The following ZGLP1 variants were observed in gnomAD, a reference collection of about 807,000 sequenced individuals.
ZGLP1 encodes the protein GATA-type zinc finger protein 1.
ZGLP1 carries 11 observed loss-of-function variants against 21.4 expected under a neutral mutation model. That is an observed-to-expected ratio of 0.51 (90% CI 0.32 to 0.85). ZGLP1 has a LOEUF of 0.85. ZGLP1 is among the 40% of genes least tolerant of loss of function. ZGLP1 has a pLI of 0.03. For synonymous variants in ZGLP1, 148 were observed against 145.0 expected, an observed-to-expected ratio of 1.02 and a Z score of -0.15; for missense variants, 295 against 355.6, an observed-to-expected ratio of 0.83 and a Z score of 1.37.
chr19:10,306,021 A>G, intron 1 of ZGLP1, 69 bp from the exon 3 acceptor site: 1 of 1,167,986 alleles, frequency 8.6e-7, no homozygotes, highest in South Asian at 1.4e-5. Flanking sequence ...CTCCGAAATG[A>G]AGATTTAGTA....
At chr19:10,308,687 A>C in exon 1 of ZGLP1, 3 of 1,474,060 alleles carry the variant, frequency 2.0e-6, no homozygotes, top group East Asian at 2.3e-5. Flanking sequence ...GTCATTTCTA[A>C]CTCTGGGTGG....
In ZGLP1 at chr19:10,307,291, G is replaced by T. The variant is rs146009798; in HGVS notation, c.497+894C>A. 3.5e-3 allele frequency among the ~76,000 whole-genome samples: 529 copies of T among 151,374 alleles called. 4 individuals carry two copies. The highest frequency in any genetic ancestry group is 0.012 in the African/African-American group (505 of 41,246). ...GGGCTCATGCAATCCTCCCACCTTG[G>T]CCTCCCAAAGTGCTGGGATTACAGG... On this transcript the variant is annotated intron_variant, in intron 1 of 3. Transcript: ENST00000403903.
intron 1 of ZGLP1, among the ~76,000 whole-genome samples, chr19:10,306,543 AT>A (rs1394409368): frequency 6.6e-6 from 1 of 151,978 alleles, no homozygotes; most frequent in Non-Finnish European, 1.5e-5. Flanking sequence ...CAGTTTCCTC[AT>A]CTGTAAAATG....
Position 10,308,724 on chromosome 19 carries a change from A to G in ZGLP1, c.-43T>C, listed in dbSNP as rs779256561. 9.2e-6 allele frequency: 13 copies of G among 1,406,038 alleles called. 1 individual carries two copies. The East Asian group carries it at 2.2e-4, about 24-fold the overall frequency. 87.1% of individuals were successfully genotyped at this position (1,406,038 alleles called of 1,614,324 possible). On this transcript the variant is annotated 5_prime_UTR_variant, in exon 1 of 4. Transcript: ENST00000403903. ...AGGTTTAAGAGTTGCAGTAATTGCA[A>G]CTCACCTCGCCCACTGTGGGCCTCC...
chr19:10,309,400 G>GA (rs2145045057), exon 1 of ZGLP1: 1 of 152,790 alleles, frequency 6.5e-6, no homozygotes, highest in East Asian at 1.9e-4. Flanking sequence ...CTGGGAGGGG[G>GA]ATCCTCCCAG....
chr19:10,309,382 G>A (rs1486564169), exon 1 of ZGLP1: 1 of 152,690 alleles, frequency 6.5e-6, no homozygotes, highest in African/African-American at 2.4e-5. Context: ...TGGGGTCCTC[G>A]GCTTCTCCTG....
At chr19:10,306,718 G>A (rs2040281864) in intron 1 of ZGLP1, among the ~76,000 whole-genome samples, 1 of 152,130 alleles carries the variant, frequency 6.6e-6, no homozygotes, top group Admixed American at 6.6e-5. Context: ...GGGAGGCTGA[G>A]GAGGGAGGAT....
At position 10,305,025 on chromosome 19, in the gene ZGLP1, C is replaced by T. The variant is rs1156884276; in HGVS notation, c.*66G>A. 1.6e-6 allele frequency: 2 copies of T among 1,264,720 alleles called. No individual in the cohort carries two copies. The highest frequency in any genetic ancestry group is 2.3e-6 in the Non-Finnish European group (2 of 867,456). 78.3% of individuals were successfully genotyped at this position (1,264,720 alleles called of 1,614,324 possible). On this transcript the variant is annotated 3_prime_UTR_variant, in exon 4 of 4. Coordinates refer to ENST00000403903, the Ensembl canonical transcript of ZGLP1. This position sits in a 1 kb window ranked among gnomAD's most constrained non-coding sequence, Gnocchi z 4.7. ...TTCCCCAATCCTCCTAGGAGAGCTG[C>T]TTCTGCCCATTCTCCCACTGGTGAA...
At chr19:10,308,349 G>A (rs2040291352) in exon 1 of ZGLP1, 2 of 1,608,488 alleles carry the variant, frequency 1.2e-6, no homozygotes, top group African/African-American at 1.3e-5. Context: ...GCTGCAGACG[G>A]CGGCCCTTTT....
chr19:10,307,325 A>T (rs1389042555), intron 1 of ZGLP1, among the ~76,000 whole-genome samples: 1 of 144,356 alleles, frequency 6.9e-6, no homozygotes, highest in African/African-American at 2.6e-5. Context: ...GGTGTGAGCC[A>T]CCAGGCCCAG....
At chr19:10,306,150 T>C (rs2040278438) in intron 1 of ZGLP1, among the ~76,000 whole-genome samples, 198 bp from the exon 3 acceptor site, 1 of 151,946 alleles carries the variant, frequency 6.6e-6, no homozygotes, top group East Asian at 1.9e-4. Context: ...TCTCGCTCTG[T>C]TGCCCAGGCT....
intron 1 of ZGLP1, among the ~76,000 whole-genome samples, chr19:10,306,261 C>T (rs937849129): frequency 1.3e-4 from 19 of 151,880 alleles, no homozygotes; most frequent in South Asian, 4.2e-4. Context: ...TACAGGCGCG[C>T]GACACCACGC....
At chr19:10,308,768 C>A (rs1599289083) in exon 1 of ZGLP1, 1 of 1,293,736 alleles carries the variant, frequency 7.7e-7, no homozygotes, top group East Asian at 2.5e-5. Flanking sequence ...CCCAGCCCTC[C>A]ACATCAATCA....
chr19:10,305,532 G>A lies in ZGLP1; in HGVS notation c.605-49C>T, dbSNP rs1220700187. 6.7e-7 allele frequency: 1 copy of A among 1,495,302 alleles called. No individual in the cohort carries two copies. Among genetic ancestry groups the A allele is most frequent in the East Asian group, 2.4e-5 (1 of 42,036 alleles). The allele number at this position is 1,495,302 out of a possible 1,614,324, so 92.6% of individuals were successfully genotyped here. ...CAGGGGTCAGAGGCCAAGCATGTGA[G>A]CTCGGGATGCCTGTGCGGAGTCGGG... is the stretch of plus-strand genomic sequence containing the variant. On this transcript the variant is annotated intron_variant, in intron 2 of 3. Coordinates refer to ENST00000403903, the Ensembl canonical transcript of ZGLP1. This position sits in a 1 kb window ranked among gnomAD's most constrained non-coding sequence, Gnocchi z 4.7.
Position 10,305,909 on chromosome 19 carries a change from C to G in ZGLP1, c.541G>C (p.Val181Leu). The G allele has an allele frequency of 6.4e-7, 1 of 1,565,524 alleles. No individual in the cohort carries two copies. The highest frequency in any genetic ancestry group is 1.3e-5 in the African/African-American group (1 of 74,104). The change falls in exon 2 of 4, where the codon GTT becomes CTT. Residue 181 changes from valine to leucine, a missense_variant. Val to Leu is a conservative substitution (Grantham distance 32, BLOSUM62 1). Transcript: ENST00000403903. The surrounding 1 kb of genome is among the most constrained non-coding windows in gnomAD (Gnocchi z 4.7). ...CCTGGGTGGGCTGCAGGGCCCCCAA[C>G]AGCATCTGCAGGGGATTCCTGAGAA...
chr19:10,308,224 A>G, exon 1 of ZGLP1: 1 of 1,562,978 alleles, frequency 6.4e-7, no homozygotes, highest in African/African-American at 1.4e-5. Context: ...GTCCGGCTTT[A>G]TCTGAAACTT....
exon 4 of ZGLP1, chr19:10,304,947 T>A: frequency 1.5e-6 from 1 of 679,192 alleles, no homozygotes; most frequent in Admixed American, 2.9e-5. Context: ...GGCCTGGGTC[T>A]TCCCCCGGGA....
rs768099910 is a variant in ZGLP1, at chr19:10,305,525, C to T, written c.605-42G>A. The T allele has an allele frequency of 2.6e-6, 4 of 1,531,586 alleles. No homozygotes were observed. Among genetic ancestry groups the T allele is most frequent in the Non-Finnish European group, 3.6e-6 (4 of 1,123,816 alleles). 94.9% of individuals were successfully genotyped at this position (1,531,586 alleles called of 1,614,324 possible). On this transcript the variant is annotated intron_variant, in intron 2 of 3. Coordinates refer to ENST00000403903, the Ensembl canonical transcript of ZGLP1. The surrounding 1 kb of genome is among the most constrained non-coding windows in gnomAD (Gnocchi z 4.7). The stretch of plus-strand genomic sequence containing the variant: ...CAAAGGGCAGGGGTCAGAGGCCAAG[C>T]ATGTGAGCTCGGGATGCCTGTGCGG...
chr19:10,308,480 C>T, exon 1 of ZGLP1: 1 of 1,611,680 alleles, frequency 6.2e-7, no homozygotes, highest in Non-Finnish European at 8.5e-7. Flanking sequence ...GGGGACTGAC[C>T]CAGCCTCTCC....
Sources: gnomAD v4.1 joint callset for allele counts (sites outside exome capture counted in the v4.1 genomes callset) on GRCh38, gnomAD v4.1.1 for gene constraint, Gnocchi (gnomAD v3.1) non-coding constraint, MANE v1.5 for transcripts, NCBI Gene and HGNC (gene_info 2026-07-23, HGNC 2026-07-21) for gene names.